The following HS3ST4 variants were observed in gnomAD, a reference collection of about 807,000 sequenced individuals.
HS3ST4 encodes heparan sulfate-glucosamine 3-sulfotransferase 4.
In HS3ST4, 17 loss-of-function variants were observed where a neutral mutation model predicts 29.2. The observed-to-expected ratio is 0.58, with a 90% CI of 0.40 to 0.87. HS3ST4 has a LOEUF of 0.87. Among genes scored for constraint, HS3ST4 ranks in the 40% least tolerant of loss-of-function variants. The pLI is 0.00. For synonymous variants in HS3ST4, 314 were observed against 285.7 expected, an observed-to-expected ratio of 1.10 and a Z score of -1.00; for missense variants, 627 against 634.5, an observed-to-expected ratio of 0.99 and a Z score of 0.13.
chr16:26,031,569 C>G (rs954269539), intron 1 of HS3ST4, among the ~76,000 whole-genome samples: 7 of 151,972 alleles, frequency 4.6e-5, no homozygotes, highest in African/African-American at 1.7e-4. Flanking sequence ...AGTGTTAGAT[C>G]CTAATCAAGC....
intron 1 of HS3ST4, among the ~76,000 whole-genome samples, chr16:25,968,456 C>T (rs1281409288): frequency 6.6e-6 from 1 of 152,114 alleles, no homozygotes; most frequent in Admixed American, 6.5e-5. Flanking sequence ...CAATTTGCTG[C>T]CCCCATCATT....
intron 1 of HS3ST4, among the ~76,000 whole-genome samples, chr16:25,953,501 G>A (rs1282417198): frequency 6.6e-6 from 1 of 152,070 alleles, no homozygotes; most frequent in African/African-American, 2.4e-5. Flanking sequence ...TGCCCAATAG[G>A]GTGTAAGCAA....
chr16:25,742,119 A>G (rs183991142), intron 1 of HS3ST4, among the ~76,000 whole-genome samples: 38 of 152,328 alleles, frequency 2.5e-4, no homozygotes, highest in African/African-American at 8.4e-4. Flanking sequence ...TGAAAAATCC[A>G]GGGAATATAT....
chr16:25,857,393 G>A (rs1232586645), intron 1 of HS3ST4, among the ~76,000 whole-genome samples: 2 of 152,164 alleles, frequency 1.3e-5, no homozygotes, highest in Non-Finnish European at 2.9e-5. Flanking sequence ...AAGGATGGGA[G>A]TGATGGGTTG....
intron 1 of HS3ST4, among the ~76,000 whole-genome samples, chr16:25,854,998 G>C (rs1002407331): frequency 1.3e-5 from 2 of 152,288 alleles, no homozygotes; most frequent in African/African-American, 4.8e-5. Context: ...TGGGGAGATA[G>C]AAATACAGGT....
chr16:26,136,433 A>G lies in HS3ST4; in HGVS notation c.*185A>G. The G allele has an allele frequency of 1.6e-6, 1 of 621,366 alleles. No individual in the cohort carries two copies. The highest frequency in any genetic ancestry group is 2.8e-6 in the Non-Finnish European group (1 of 359,080). The allele number at this position is 621,366 out of a possible 1,614,324, so 38.5% of individuals were successfully genotyped here. ...AACAGGTGGATCCCATGGCATCCCC[A>G]TGGAGGAACCAGGCCCATCTGGGCA... On this transcript the variant is annotated 3_prime_UTR_variant, in exon 2 of 2. Coordinates refer to ENST00000331351, the MANE Select transcript of HS3ST4 (RefSeq NM_006040.3).
At chr16:26,070,192 A>G (rs1217532936) in intron 1 of HS3ST4, among the ~76,000 whole-genome samples, 2 of 152,082 alleles carry the variant, frequency 1.3e-5, no homozygotes, top group African/African-American at 2.4e-5. Context: ...AAGTGTTCCT[A>G]TTTCTCCACA....
At chr16:26,015,684 A>T (rs1410504259) in intron 1 of HS3ST4, among the ~76,000 whole-genome samples, 1 of 152,200 alleles carries the variant, frequency 6.6e-6, no homozygotes, top group East Asian at 1.9e-4. Flanking sequence ...TGTTAAGATG[A>T]ACTACTAAGT....
chr16:25,704,839 A>G lies in HS3ST4; in HGVS notation c.734+11688A>G, dbSNP rs544709118. On this transcript the variant is annotated intron_variant, in intron 1 of 1. Transcript: ENST00000331351. ...GGTTGCAGTGAGCTGAGATCATGCC[A>G]TCACACTCCAGCCTGGGCAACAAGA... is the stretch of plus-strand genomic sequence containing the variant. 2.8e-3 allele frequency among the ~76,000 whole-genome samples: 427 copies of G among 151,168 alleles called. 2 individuals carry two copies. The highest frequency in any genetic ancestry group is 8.9e-3 in the African/African-American group (368 of 41,166).
In HS3ST4 at chr16:26,095,793, ACAAAAAATCCTT is replaced by A. The variant is rs1386745243; in HGVS notation, c.735-39809_735-39798del. Among the ~76,000 whole-genome samples, 3 of 152,340 alleles carry A rather than the reference ACAAAAAATCCTT, an allele frequency of 2.0e-5. No homozygotes were observed. In the South Asian group the frequency reaches 6.2e-4, roughly 32 times the overall value. ...GAGCAGAACTGAAAGAGATAGACAC[ACAAAAAATCCTT>A]CAAAAAATCAGTGAATCCAGGAGCT... On this transcript the variant is annotated intron_variant, in intron 1 of 1. Transcript: ENST00000331351.
chr16:25,925,865 T>G (rs1968397195), intron 1 of HS3ST4, among the ~76,000 whole-genome samples: 1 of 152,062 alleles, frequency 6.6e-6, no homozygotes, highest in Non-Finnish European at 1.5e-5. Flanking sequence ...CCACCATCCT[T>G]TCATTCACAA....
At chr16:25,853,874 T>G (rs571438372) in intron 1 of HS3ST4, among the ~76,000 whole-genome samples, 1 of 152,172 alleles carries the variant, frequency 6.6e-6, no homozygotes, top group Non-Finnish European at 1.5e-5. Flanking sequence ...CTTGTAAAAA[T>G]GAGTTTAGAA....
At position 25,692,772 on chromosome 16, in the gene HS3ST4, G is replaced by A; in HGVS notation, c.355G>A (p.Ala119Thr). The stretch of plus-strand genomic sequence containing the variant: ...GCCGCCCGAGCCCCCAGAGCAGCCA[G>A]CCGCCCCCGGGACCGACGGCTGGGG... ...GEPPEPPEQP[A>T]APGTDGWGLP... The change falls in exon 1 of 2, where the codon GCC (alanine) becomes ACC (threonine). Residue 119 changes from alanine to threonine, a missense_variant. Transcript: ENST00000331351. 7.4e-7 allele frequency: 1 copy of A among 1,343,316 alleles called. No homozygotes were observed. Among genetic ancestry groups the A allele is most frequent in the Non-Finnish European group, 9.5e-7 (1 of 1,056,750 alleles). The allele number at this position is 1,343,316 out of a possible 1,614,324, so 83.2% of individuals were successfully genotyped here.
intron 1 of HS3ST4, among the ~76,000 whole-genome samples, chr16:25,762,306 G>A (rs548366874): frequency 1.2e-4 from 18 of 152,156 alleles, no homozygotes; most frequent in Admixed American, 7.9e-4. Context: ...TTGAACGTGG[G>A]TCAGTCAGAT....
intron 1 of HS3ST4, among the ~76,000 whole-genome samples, chr16:26,080,458 G>A (rs1188412369): frequency 6.6e-6 from 1 of 152,126 alleles, no homozygotes. Context: ...GCCCCTGAAA[G>A]AATGGTGTGA....
chr16:25,907,932 T>G (rs1203755782), intron 1 of HS3ST4, among the ~76,000 whole-genome samples: 1 of 152,256 alleles, frequency 6.6e-6, no homozygotes, highest in Non-Finnish European at 1.5e-5. Flanking sequence ...TTTCTCTCTT[T>G]ATTTCTTTAT....
intron 1 of HS3ST4, among the ~76,000 whole-genome samples, chr16:25,848,827 T>C (rs1596589950): frequency 6.6e-6 from 1 of 152,238 alleles, no homozygotes. Flanking sequence ...TTATTATGGT[T>C]TTCATGGTTC....
At chr16:25,822,370 G>A (rs367977986) in intron 1 of HS3ST4, among the ~76,000 whole-genome samples, 2 of 152,028 alleles carry the variant, frequency 1.3e-5, no homozygotes, top group Admixed American at 6.5e-5. Flanking sequence ...CCTCCAAAAC[G>A]CCTCACCTCT....
intron 1 of HS3ST4, among the ~76,000 whole-genome samples, chr16:26,054,862 T>A (rs537345996): frequency 6.6e-6 from 1 of 151,990 alleles, no homozygotes; most frequent in African/African-American, 2.4e-5. Flanking sequence ...TTCTGACTGC[T>A]CTTTACCTAC....
Sources: gnomAD v4.1 joint callset for allele counts (sites outside exome capture counted in the v4.1 genomes callset) on GRCh38, gnomAD v4.1.1 for gene constraint, MANE v1.5 for transcripts, NCBI Gene and HGNC (gene_info 2026-07-23, HGNC 2026-07-21) for gene names.